ANKRD11: variants seen among roughly 807,000 people sequenced by gnomAD.
ANKRD11 encodes the protein ankyrin repeat domain-containing protein 11.
Under a neutral mutation model 195.7 loss-of-function variants are expected in ANKRD11, and 17 were observed. That is an observed-to-expected ratio of 0.09 (90% confidence interval 0.06 to 0.13). ANKRD11 has a LOEUF of 0.13. Ranked by LOEUF, ANKRD11 falls within the 10% of genes least tolerant of loss-of-function variation. The pLI is 1.00. For missense variants in ANKRD11, 3,735 were observed against 3,566.1 expected (o/e 1.05, Z -1.21); for synonymous variants, 1,953 against 1,528.1 (o/e 1.28, Z -6.49).
chr16:89,319,237 G>A (rs1438906021), intron 2 of ANKRD11, among the ~76,000 whole-genome samples: 15 of 152,156 alleles, frequency 9.9e-5, no homozygotes, highest in Non-Finnish European at 2.2e-4. Context: ...GCCTCCGGAC[G>A]GTGTCTGGGC....
At chr16:89,362,016 G>A (rs1303991868) in intron 2 of ANKRD11, among the ~76,000 whole-genome samples, 2 of 152,196 alleles carry the variant, frequency 1.3e-5, no homozygotes, top group Non-Finnish European at 2.9e-5. Context: ...CTGAATTTAT[G>A]GGAGGGGGCA....
intron 2 of ANKRD11, among the ~76,000 whole-genome samples, chr16:89,405,213 A>T (rs891020130): frequency 5.3e-5 from 8 of 152,144 alleles, no homozygotes; most frequent in Admixed American, 3.3e-4. Flanking sequence ...AATAAATAAA[A>T]AATCTTGTGG....
intron 1 of ANKRD11, among the ~76,000 whole-genome samples, chr16:89,432,277 A>ACACACC (rs1491584843): frequency 1.7e-5 from 2 of 121,138 alleles, no homozygotes; most frequent in Admixed American, 8.1e-5. Flanking sequence ...ACACACACAC[A>ACACACC]CCCCTGGAAA....
intron 1 of ANKRD11, among the ~76,000 whole-genome samples, chr16:89,486,743 C>A (rs1567872115): frequency 2.0e-5 from 3 of 152,072 alleles, no homozygotes; most frequent in African/African-American, 7.2e-5. Context: ...TGGTGGCTCA[C>A]GTCTATAATC....
chr16:89,353,133 G>A (rs2039298672), intron 2 of ANKRD11, among the ~76,000 whole-genome samples: 2 of 152,152 alleles, frequency 1.3e-5, no homozygotes, highest in African/African-American at 4.8e-5. Context: ...CATGAGGTCA[G>A]GAGTTCAAGA....
chr16:89,465,813 C>G (rs2056861614), intron 1 of ANKRD11, among the ~76,000 whole-genome samples: 2 of 152,204 alleles, frequency 1.3e-5, no homozygotes, highest in South Asian at 2.1e-4. Context: ...TGAGTTCACG[C>G]CATTCTCCTG....
intron 2 of ANKRD11, among the ~76,000 whole-genome samples, chr16:89,317,304 G>A (rs1001981659): frequency 6.6e-6 from 1 of 152,216 alleles, no homozygotes; most frequent in Non-Finnish European, 1.5e-5. Flanking sequence ...GAACAGAGAA[G>A]GGTCAAGCAC....
At chr16:89,322,936 TG>T (rs1239181492) in intron 2 of ANKRD11, among the ~76,000 whole-genome samples, 1 of 152,238 alleles carries the variant, frequency 6.6e-6, no homozygotes, top group African/African-American at 2.4e-5. Context: ...CTCCGCCTCC[TG>T]GGCTCAAGCT....
chr16:89,466,856 G>A (rs762283113), intron 1 of ANKRD11, among the ~76,000 whole-genome samples: 2 of 152,218 alleles, frequency 1.3e-5, no homozygotes, highest in African/African-American at 2.4e-5. Context: ...AGAGTTTTTA[G>A]AGCTCCATCT....
At chr16:89,363,695 C>T (rs1004814323) in intron 2 of ANKRD11, among the ~76,000 whole-genome samples, 10 of 152,134 alleles carry the variant, frequency 6.6e-5, no homozygotes, top group Non-Finnish European at 1.0e-4. Context: ...GTGGCCCAGG[C>T]CCCTGTGAAA....
chr16:89,278,665 C>T (rs2033875855), intron 9 of ANKRD11: 1 of 468,728 alleles, frequency 2.1e-6, no homozygotes, highest in Non-Finnish European at 4.2e-6. Flanking sequence ...CTCAGGGAAC[C>T]CACGCGGGTC....
intron 2 of ANKRD11, among the ~76,000 whole-genome samples, chr16:89,417,682 G>A (rs1288736109): frequency 2.0e-5 from 3 of 152,152 alleles, no homozygotes; most frequent in Non-Finnish European, 4.4e-5. Context: ...ATGCCCAGAA[G>A]CACAGGACAG....
intron 1 of ANKRD11, among the ~76,000 whole-genome samples, chr16:89,431,508 T>G (rs1213959472): frequency 6.6e-6 from 1 of 152,174 alleles, no homozygotes; most frequent in Non-Finnish European, 1.5e-5. Flanking sequence ...GGAACATAAC[T>G]GGCACTCATC....
Position 89,279,991 on chromosome 16 carries a change from G to A in ANKRD11, c.6551C>T (p.Ala2184Val). The change falls in exon 9 of 13, where the codon GCT (alanine) becomes GTT (valine). Residue 2184 changes from alanine (A) to valine (V), a missense_variant. Physicochemically the swap from Ala to Val is moderately conservative, Grantham distance 64. Coordinates refer to ENST00000301030, the MANE Select transcript of ANKRD11 (RefSeq NM_013275.6). The surrounding 1 kb of genome is among the most constrained non-coding windows in gnomAD (Gnocchi z 5.6). ...INGGDVSTVV[A>V]EEPPALPPDQ... Reference sequence around the variant, plus strand: ...AGGAGGCAGTGCCGGCGGCTCCTCAGCCACTACGGTGGAAACATCCCCACC... The same window carrying A: ...AGGAGGCAGTGCCGGCGGCTCCTCAACCACTACGGTGGAAACATCCCCACC... The A allele has an allele frequency of 1.9e-6, 3 of 1,611,876 alleles. No homozygotes were observed. The highest frequency in any genetic ancestry group is 1.1e-5 in the South Asian group (1 of 91,084).
chr16:89,412,698 A>T (rs970317116), intron 2 of ANKRD11: 3 of 152,216 alleles, frequency 2.0e-5, no homozygotes, highest in African/African-American at 7.2e-5. Context: ...CCTCAGATAC[A>T]AAAACATAGA....
chr16:89,354,128 G>C (rs973760732), intron 2 of ANKRD11, among the ~76,000 whole-genome samples: 10 of 151,688 alleles, frequency 6.6e-5, no homozygotes, highest in Admixed American at 5.9e-4. Flanking sequence ...TCACTCCACT[G>C]CTTCTAAATA....
Position 89,282,762 on chromosome 16 carries a change from C to A in ANKRD11, c.3780G>T (p.Ser1260=). 6.2e-7 allele frequency: 1 copy of A among 1,613,048 alleles called. No homozygotes were observed. Among genetic ancestry groups the A allele is most frequent in the South Asian group, 1.1e-5 (1 of 91,058 alleles). The part of the protein sequence containing the change: ...DKAKSKHKEK[S]DKEHSKERKS... Reference sequence around the variant, plus strand: ...TCCTCTCCTTGGAATGTTCTTTGTCCGACTTCTCTTTGTGTTTGCTTTTAG... The same window carrying A: ...TCCTCTCCTTGGAATGTTCTTTGTCAGACTTCTCTTTGTGTTTGCTTTTAG... Residue 1260 remains serine (S), a synonymous_variant, in exon 9 of 13, where the codon TCG becomes TCT. Coordinates refer to ENST00000301030, the MANE Select transcript of ANKRD11 (RefSeq NM_013275.6).
In ANKRD11 at chr16:89,313,627, C is replaced by A; in HGVS notation, c.87+3306G>T. 7.8e-7 allele frequency: 1 copy of A among 1,284,538 alleles called. No individual in the cohort carries two copies. Among genetic ancestry groups the A allele is most frequent in the Non-Finnish European group, 1.0e-6 (1 of 984,690 alleles). 79.6% of individuals were successfully genotyped at this position (1,284,538 alleles called of 1,614,324 possible). A position where few individuals can be genotyped will look rare whatever the true frequency, so the allele number is the denominator to read the frequency against. On this transcript the variant is annotated intron_variant, in intron 3 of 12. Transcript: ENST00000301030. The stretch of plus-strand genomic sequence containing the variant: ...TGTTTTTGATAACATAAAGCTATAT[C>A]TGGAGAAAAGGGAGTTTATGGTAGA...
intron 1 of ANKRD11, among the ~76,000 whole-genome samples, chr16:89,432,838 G>A (rs1461078569): frequency 5.3e-5 from 8 of 152,010 alleles, no homozygotes; most frequent in Admixed American, 2.6e-4. Context: ...CTACTCAGTA[G>A]AATCACTTGA....
Sources: allele counts gnomAD v4.1 joint callset (sites outside exome capture counted in the v4.1 genomes callset), GRCh38; gene constraint gnomAD v4.1.1; non-coding constraint Gnocchi (gnomAD v3.1); transcripts MANE v1.5; gene names NCBI Gene and HGNC (gene_info 2026-07-23, HGNC 2026-07-21).